Variants in NINJ2 observed in about 807,000 individuals in gnomAD.
NINJ2 encodes the protein ninjurin 2, also known as ninjurin-2.
NINJ2 carries 12 observed loss-of-function variants against 11.7 expected under a neutral mutation model. That is an observed-to-expected ratio of 1.02 (90% CI 0.66 to 1.66). The LOEUF is 1.66. Ranked by LOEUF, NINJ2 falls within the 40% of genes most tolerant of loss-of-function variation. The probability of loss-of-function intolerance (pLI) is 0.00; values close to 1 mark genes in which losing one functional copy is unlikely to be tolerated. For synonymous variants in NINJ2, 93 were observed against 76.8 expected (o/e 1.21, Z -1.10); for missense variants, 187 against 181.8 (o/e 1.03, Z -0.16).
At chr12:599,187 GC>G (rs1947831119) in intron 1 of NINJ2, among the ~76,000 whole-genome samples, 1 of 151,906 alleles carries the variant, frequency 6.6e-6, no homozygotes, top group African/African-American at 2.4e-5. Flanking sequence ...TTCGAGACCA[GC>G]TTGGCCAACA....
intron 1 of NINJ2, among the ~76,000 whole-genome samples, chr12:589,105 A>G (rs1013388264): frequency 5.3e-5 from 8 of 152,266 alleles, no homozygotes; most frequent in African/African-American, 1.9e-4. Flanking sequence ...TCCATGCATC[A>G]TTATTGATAA....
chr12:593,324 A>T (rs1448701002), intron 1 of NINJ2, among the ~76,000 whole-genome samples: 1 of 152,190 alleles, frequency 6.6e-6, no homozygotes, highest in East Asian at 1.9e-4. Context: ...TTTGAAACAG[A>T]TCTGAAAACC....
intron 1 of NINJ2, among the ~76,000 whole-genome samples, chr12:597,653 G>A (rs1565629095): frequency 6.6e-6 from 1 of 152,242 alleles, no homozygotes; most frequent in Non-Finnish European, 1.5e-5. Flanking sequence ...AGGCAAAGTA[G>A]GGCCAAGTGA....
At chr12:619,095 C>A (rs959601749) in intron 1 of NINJ2, among the ~76,000 whole-genome samples, 2 of 152,138 alleles carry the variant, frequency 1.3e-5, no homozygotes, top group African/African-American at 4.8e-5. Flanking sequence ...CCCGCAATTT[C>A]TTTTGAGGAG....
rs567549167 is a variant in NINJ2 at position 640,964 on chromosome 12, G to A, written c.33+22364C>T. ...ATGGAAGGAAGGCTGCAACTTAAGA[G>A]ACTGCGGTTAGAAGTGATCTTCATA... is the stretch of plus-strand genomic sequence containing the variant. On this transcript the variant is annotated intron_variant, in intron 1 of 3. Transcript: ENST00000305108. This position sits in a 1 kb window ranked among gnomAD's most constrained non-coding sequence, Gnocchi z 4.0. 6.6e-6 allele frequency: 1 copy of A among 152,262 alleles called. No homozygotes were observed. The highest frequency in any genetic ancestry group is 1.5e-5 in the Non-Finnish European group (1 of 68,102). The allele number at this position is 152,262 out of a possible 1,614,324, so 9.4% of individuals were successfully genotyped here.
chr12:576,246 C>G (rs1002129570), intron 1 of NINJ2, among the ~76,000 whole-genome samples: 3 of 152,128 alleles, frequency 2.0e-5, no homozygotes, highest in African/African-American at 7.2e-5. Flanking sequence ...GCGAGGCCTC[C>G]CCGGAAGGCC....
chr12:619,387 C>G (rs1025637299), intron 1 of NINJ2, among the ~76,000 whole-genome samples: 7 of 152,198 alleles, frequency 4.6e-5, no homozygotes, highest in African/African-American at 1.7e-4. Flanking sequence ...TCAGTGTGGG[C>G]TCCTCTAGTT....
intron 1 of NINJ2, among the ~76,000 whole-genome samples, chr12:569,382 C>G (rs996697770): frequency 1.3e-5 from 2 of 152,212 alleles, no homozygotes; most frequent in African/African-American, 4.8e-5. Flanking sequence ...AGAGTCTCAC[C>G]CCCTGCACCC....
chr12:618,317 GAGGTGGGGGTGAGGAGTTGGTAATA>G (rs1416785050), intron 1 of NINJ2, among the ~76,000 whole-genome samples: 3,684 of 69,370 alleles, frequency 0.053, 743 homozygotes, highest in Non-Finnish European at 0.076. Flanking sequence ...AGTTGGTAAT[GAGGTGGGGGTGAGGAGTTGGTAATA>G]AGGTGGGGGT....
At chr12:607,214 C>T (rs1555164648) in intron 1 of NINJ2, among the ~76,000 whole-genome samples, 1 of 152,158 alleles carries the variant, frequency 6.6e-6, no homozygotes, top group Non-Finnish European at 1.5e-5. Context: ...TGCATTTTAG[C>T]AGGATTCCCA....
At chr12:586,939 G>A (rs1255047484) in intron 1 of NINJ2, among the ~76,000 whole-genome samples, 1 of 152,240 alleles carries the variant, frequency 6.6e-6, no homozygotes, top group East Asian at 1.9e-4. Context: ...AAGTTTGGAT[G>A]GAAGAGCTCA....
At position 593,554 on chromosome 12, in the gene NINJ2, C is replaced by CA. The variant is rs549633576; in HGVS notation, c.34-27377dup. 1.2e-4 allele frequency among the ~76,000 whole-genome samples: 18 copies of CA among 152,192 alleles called. No homozygotes were observed. In the South Asian group the frequency reaches 3.1e-3, roughly 26 times the overall value. On this transcript the variant is annotated intron_variant, in intron 1 of 3. Coordinates refer to ENST00000305108, the MANE Select transcript of NINJ2 (RefSeq NM_016533.6). ...GCAACAGGGCAAAACCCTGTCTCTA[C>CA]AAAAAATAAAATTAGCCAGGCGTGG...
At chr12:594,814 A>G (rs1218807314) in intron 1 of NINJ2, among the ~76,000 whole-genome samples, 3 of 152,240 alleles carry the variant, frequency 2.0e-5, no homozygotes, top group Non-Finnish European at 4.4e-5. Flanking sequence ...TATTTTGTAG[A>G]TATCAACAAA....
intron 1 of NINJ2, among the ~76,000 whole-genome samples, chr12:653,258 A>G (rs1303407566): frequency 6.6e-6 from 1 of 151,944 alleles, no homozygotes; most frequent in African/African-American, 2.4e-5. Context: ...TTGACCCGTG[A>G]TCTGCCCGCC....
intron 1 of NINJ2, among the ~76,000 whole-genome samples, chr12:609,063 C>T (rs1345416940): frequency 6.8e-6 from 1 of 147,840 alleles, no homozygotes; most frequent in Non-Finnish European, 1.5e-5. Flanking sequence ...AGGGGCTGAA[C>T]GCACACGCAC....
chr12:602,727 T>C (rs1364348905), intron 1 of NINJ2, among the ~76,000 whole-genome samples: 4 of 152,244 alleles, frequency 2.6e-5, no homozygotes, highest in Admixed American at 2.0e-4. Flanking sequence ...GCCAGTAAAG[T>C]AGGAGATTCC....
chr12:609,487 A>G lies in NINJ2; in HGVS notation c.34-43309T>C, dbSNP rs900575690. ...CCTTTTATTTAAAACAATAGGGGAA[A>G]CACCGGGCGCGGTGGCTCACGCCTG... On this transcript the variant is annotated intron_variant, in intron 1 of 3. Transcript: ENST00000305108. Among the ~76,000 whole-genome samples the G allele has an allele frequency of 2.0e-5, 3 of 152,260 alleles. No homozygotes were observed. The Middle Eastern group carries it at 0.01, about 518-fold the overall frequency.
At chr12:654,350 G>A (rs1352361357) in intron 1 of NINJ2, among the ~76,000 whole-genome samples, 1 of 151,024 alleles carries the variant, frequency 6.6e-6, no homozygotes, top group East Asian at 2.0e-4. Context: ...GAGAAACCCC[G>A]TCTCTACTAA....
intron 1 of NINJ2, among the ~76,000 whole-genome samples, chr12:649,149 T>C (rs1472466990): frequency 6.6e-6 from 1 of 151,800 alleles, no homozygotes; most frequent in Non-Finnish European, 1.5e-5. Flanking sequence ...CGGGTTCAAG[T>C]GATTCTCCTG....
Sources: allele counts gnomAD v4.1 joint callset (sites outside exome capture counted in the v4.1 genomes callset), GRCh38; gene constraint gnomAD v4.1.1; non-coding constraint Gnocchi (gnomAD v3.1); transcripts MANE v1.5; gene names NCBI Gene and HGNC (gene_info 2026-07-23, HGNC 2026-07-21).